CDH18: variants seen among roughly 807,000 people sequenced by gnomAD.
CDH18 encodes cadherin 18, also known as cadherin-18.
A neutral mutation model predicts 67.9 loss-of-function variants in CDH18; 31 were observed. That is an observed-to-expected ratio of 0.46 (90% CI 0.34 to 0.62). The LOEUF (loss-of-function observed/expected upper bound fraction) is 0.62. Ranked by LOEUF, CDH18 falls within the 20% of genes least tolerant of loss-of-function variation. CDH18 has a pLI of 0.01. For missense variants in CDH18, 890 were observed against 975.5 expected, an observed-to-expected ratio of 0.91 and a Z score of 1.17; for synonymous variants, 362 against 347.2, an observed-to-expected ratio of 1.04 and a Z score of -0.48.
chr5:19,484,405 A>T (rs1740016805), intron 11 of CDH18, among the ~76,000 whole-genome samples: 1 of 152,208 alleles, frequency 6.6e-6, no homozygotes, highest in South Asian at 2.1e-4. Flanking sequence ...ACATTGCCTC[A>T]TCTACAATTC....
chr5:20,034,685 G>A (rs1239674484), intron 2 of CDH18, among the ~76,000 whole-genome samples: 2 of 151,974 alleles, frequency 1.3e-5, no homozygotes, highest in Admixed American at 1.3e-4. Context: ...TGCTCTTCTG[G>A]TTCTTAAGAC....
intron 2 of CDH18, among the ~76,000 whole-genome samples, chr5:19,970,790 A>G (rs114979450): frequency 0.029 from 4,450 of 150,950 alleles, 246 homozygotes; most frequent in East Asian, 0.22. Flanking sequence ...TATTCTACAT[A>G]TATTAAATAT....
intron 2 of CDH18, among the ~76,000 whole-genome samples, chr5:20,145,886 C>T (rs1195171427): frequency 1.3e-5 from 2 of 152,164 alleles, no homozygotes; most frequent in South Asian, 2.1e-4. Flanking sequence ...ACATTTAAAA[C>T]TCTGGCTTCC....
intron 1 of CDH18, among the ~76,000 whole-genome samples, chr5:20,530,773 C>T (rs944199350): frequency 3.9e-5 from 6 of 151,998 alleles, no homozygotes; most frequent in Non-Finnish European, 8.8e-5. Context: ...AAACTCAAAA[C>T]CATAAGAACC....
At chr5:19,984,451 T>A (rs1799367796) in intron 1 of CDH18, among the ~76,000 whole-genome samples, 1 of 152,132 alleles carries the variant, frequency 6.6e-6, no homozygotes, top group Admixed American at 6.5e-5. Flanking sequence ...ATATTTCAAA[T>A]TTTAGATTTG....
chr5:19,551,609 T>G (rs1271693805), intron 8 of CDH18, among the ~76,000 whole-genome samples: 3 of 152,154 alleles, frequency 2.0e-5, no homozygotes, highest in Non-Finnish European at 2.9e-5. Flanking sequence ...TAGGCCTTCA[T>G]AGAAAACAGC....
At chr5:19,631,725 G>A (rs1752444504) in intron 5 of CDH18, among the ~76,000 whole-genome samples, 1 of 152,144 alleles carries the variant, frequency 6.6e-6, no homozygotes, top group Non-Finnish European at 1.5e-5. Context: ...TAAAATCACT[G>A]AAAGGTAGTA....
At chr5:19,933,895 T>C (rs1230369306) in intron 2 of CDH18, among the ~76,000 whole-genome samples, 1 of 151,412 alleles carries the variant, frequency 6.6e-6, no homozygotes, top group Non-Finnish European at 1.5e-5. Flanking sequence ...ATAACAAACA[T>C]ATAGTATTGA....
chr5:20,509,914 G>A (rs1440996000), intron 1 of CDH18, among the ~76,000 whole-genome samples: 1 of 152,086 alleles, frequency 6.6e-6, no homozygotes, highest in African/African-American at 2.4e-5. Flanking sequence ...CCCAGTAGTG[G>A]GATTGCCAGA....
rs1737989052 is a variant in CDH18 at position 20,185,132 on chromosome 5, G to A, written c.-518+70312C>T. 2.6e-5 allele frequency among the ~76,000 whole-genome samples: 4 copies of A among 151,918 alleles called. No homozygotes were observed. The South Asian group carries it at 8.3e-4, about 31-fold the overall frequency. ...TCAATATCTCAGTCCCTAAATCTTGGAGTGATTTTGGATTCTTCTCTTCAT... is the reference window on the plus strand; with the variant it reads ...TCAATATCTCAGTCCCTAAATCTTGAAGTGATTTTGGATTCTTCTCTTCAT... On this transcript the variant is annotated intron_variant, in intron 2 of 14. Transcript: ENST00000507958.
chr5:19,601,946 C>T (rs1258051727), intron 6 of CDH18, among the ~76,000 whole-genome samples: 1 of 151,902 alleles, frequency 6.6e-6, no homozygotes, highest in African/African-American at 2.4e-5. Flanking sequence ...ATAAAAGAAA[C>T]TTCCTCAACA....
In CDH18 at chr5:19,593,707, C is replaced by CCTCCTCCTTCTTCTTCTT; in HGVS notation, c.812-2464_812-2463insAAGAAGAAGAAGGAGGAG. On this transcript the variant is annotated intron_variant, in intron 6 of 12. Transcript: ENST00000382275. ...TCCTTCTCTTCCTCTTCCTCCTCCT[C>CCTCCTCCTTCTTCTTCTT]CTTCTTCTTCTTCTTCTTCTTCTTC... 2.8e-3 allele frequency among the ~76,000 whole-genome samples: 93 copies of CCTCCTCCTTCTTCTTCTT among 33,386 alleles called. 1 individual carries two copies. Among genetic ancestry groups the CCTCCTCCTTCTTCTTCTT allele is most frequent in the African/African-American group, 0.01 (87 of 8,608 alleles). 21.9% of individuals were successfully genotyped at this position (33,386 alleles called of 152,430 possible).
chr5:20,328,498 TGTGTGTGTGTGAGA>T (rs939614123), intron 1 of CDH18, among the ~76,000 whole-genome samples: 31 of 149,232 alleles, frequency 2.1e-4, no homozygotes, highest in Admixed American at 8.7e-4. Context: ...TGTGTGTGTG[TGTGTGTGTGTGAGA>T]GAGAGAGAGA....
intron 2 of CDH18, among the ~76,000 whole-genome samples, chr5:19,854,463 G>T (rs1015035054): frequency 1.6e-4 from 24 of 152,166 alleles, no homozygotes; most frequent in African/African-American, 5.8e-4. Flanking sequence ...AAGAATAAAA[G>T]GTGGTCAGCA....
chr5:20,103,322 T>A (rs189601735), intron 2 of CDH18, among the ~76,000 whole-genome samples: 121 of 152,302 alleles, frequency 7.9e-4, no homozygotes, highest in Non-Finnish European at 1.5e-3. Flanking sequence ...TCAGACTTTT[T>A]TTGTCATTGG....
intron 3 of CDH18, among the ~76,000 whole-genome samples, chr5:19,813,980 T>C (rs1372791083): frequency 6.6e-6 from 1 of 151,940 alleles, no homozygotes. Flanking sequence ...TCTGGTAGTA[T>C]AACCAGAAGT....
At chr5:19,686,244 CTT>C (rs1341285586) in intron 5 of CDH18, among the ~76,000 whole-genome samples, 1 of 152,058 alleles carries the variant, frequency 6.6e-6, no homozygotes, top group Non-Finnish European at 1.5e-5. Flanking sequence ...CACTAAAAAA[CTT>C]TGTACTATGA....
intron 2 of CDH18, among the ~76,000 whole-genome samples, chr5:19,842,300 T>C (rs1449755695): frequency 2.0e-5 from 3 of 152,180 alleles, no homozygotes; most frequent in African/African-American, 7.2e-5. Context: ...GTAATCTGAA[T>C]TGTAATCCCC....
intron 2 of CDH18, among the ~76,000 whole-genome samples, chr5:20,109,794 G>T (rs2126328543): frequency 1.3e-5 from 2 of 152,164 alleles, no homozygotes; most frequent in Middle Eastern, 3.4e-3. Context: ...CTCCTGCTTT[G>T]TTCCTTTCTA....
Sources: allele counts gnomAD v4.1 joint callset (sites outside exome capture counted in the v4.1 genomes callset), GRCh38; gene constraint gnomAD v4.1.1; transcripts MANE v1.5; gene names NCBI Gene and HGNC (gene_info 2026-07-23, HGNC 2026-07-21).